Variants in USP12 observed in about 807,000 individuals in gnomAD.
The protein encoded by USP12 is ubiquitin carboxyl-terminal hydrolase 12.
Under a neutral mutation model 45.5 loss-of-function variants are expected in USP12, and 19 were observed. The ratio of observed to expected loss-of-function variants is 0.42; its 90% CI spans 0.29 to 0.61. USP12 has a LOEUF of 0.61. USP12 is among the 20% of genes least tolerant of loss of function. USP12 has a pLI of 0.22. For missense variants in USP12, 242 were observed against 447.7 expected (o/e 0.54, Z 4.15); for synonymous variants, 149 against 148.8 (o/e 1.00, Z -0.01).
At chr13:27,092,381 A>G (rs1874359213) in intron 4 of USP12, among the ~76,000 whole-genome samples, 1 of 152,218 alleles carries the variant, frequency 6.6e-6, no homozygotes, top group Admixed American at 6.5e-5. Context: ...TAAAGTTTAC[A>G]TGGAGAGGCA....
At position 27,095,590 on chromosome 13, in the gene USP12, G is replaced by GAT. The variant is rs746205485; in HGVS notation, c.573+9_573+10dup. The GAT allele has an allele frequency of 6.4e-7, 1 of 1,563,982 alleles. No individual in the cohort carries two copies. Among genetic ancestry groups the GAT allele is most frequent in the Admixed American group, 1.9e-5 (1 of 53,738 alleles). On this transcript the variant is annotated intron_variant, in intron 4 of 8. Transcript: ENST00000282344. The stretch of plus-strand genomic sequence containing the variant: ...AATTTTTCTCTATACAAAATTGTAT[G>GAT]ATATACTTACAGTTTCACAAGTAAG...
intron 1 of USP12, among the ~76,000 whole-genome samples, chr13:27,138,286 GAAGA>G (rs1435159644): frequency 6.6e-6 from 1 of 152,186 alleles, no homozygotes; most frequent in Non-Finnish European, 1.5e-5. Flanking sequence ...CTGAGAGGCC[GAAGA>G]AAGAGGCTAA....
chr13:27,148,866 G>T (rs1462239121), intron 1 of USP12, among the ~76,000 whole-genome samples: 1 of 145,304 alleles, frequency 6.9e-6, no homozygotes, highest in Non-Finnish European at 1.5e-5. Context: ...ACATAGAAAA[G>T]AATTCCTCTC....
At chr13:27,108,970 GTA>G (rs1018148181) in intron 2 of USP12, among the ~76,000 whole-genome samples, 1 of 152,128 alleles carries the variant, frequency 6.6e-6, no homozygotes, top group African/African-American at 2.4e-5. Flanking sequence ...GTGTGTGTGT[GTA>G]TATACACATA....
chr13:27,132,732 T>C (rs984615794), intron 1 of USP12, among the ~76,000 whole-genome samples: 2 of 152,208 alleles, frequency 1.3e-5, no homozygotes, highest in African/African-American at 4.8e-5. Context: ...AATAGGAATG[T>C]CCTTGTCCTG....
intron 7 of USP12, among the ~76,000 whole-genome samples, chr13:27,074,474 T>A (rs933129498): frequency 6.6e-6 from 1 of 152,190 alleles, no homozygotes; most frequent in Admixed American, 6.5e-5. Flanking sequence ...ACTTTTTTTA[T>A]TTGGATAAAA....
intron 1 of USP12, among the ~76,000 whole-genome samples, chr13:27,146,454 G>A (rs1403343295): frequency 1.3e-5 from 2 of 152,172 alleles, no homozygotes; most frequent in East Asian, 3.8e-4. Flanking sequence ...GGGGTATAAG[G>A]TAGGGAGAGG....
intron 1 of USP12, chr13:27,117,840 G>T: frequency 1.9e-6 from 1 of 517,920 alleles, no homozygotes; most frequent in South Asian, 1.4e-5. Flanking sequence ...GGTCCCCGAC[G>T]ACCATGTGAA....
chr13:27,106,795 T>C (rs190232152), intron 2 of USP12, among the ~76,000 whole-genome samples: 178 of 152,128 alleles, frequency 1.2e-3, no homozygotes, highest in African/African-American at 4.0e-3. Flanking sequence ...TGGATAAAAA[T>C]GAGACTTCTC....
chr13:27,080,252 T>C (rs571832249), intron 6 of USP12, among the ~76,000 whole-genome samples: 1 of 152,290 alleles, frequency 6.6e-6, no homozygotes, highest in East Asian at 1.9e-4. Flanking sequence ...CAACAGGTGG[T>C]TGCAGATGCT....
At position 27,105,852 on chromosome 13, in the gene USP12, A is replaced by C; in HGVS notation, c.222T>G (p.Pro74=). ...REKVLAYKSQ[P]RKKESLLTCL... ...ATGTAAGAAGGCTCTCCTTTTTCCT[A>C]GGTTGACTCTTATACGCAAGAACTT... Residue 74 remains proline, a synonymous_variant, in exon 3 of 9, where the codon CCT becomes CCG. Transcript: ENST00000282344. The C allele has an allele frequency of 1.2e-6, 2 of 1,613,852 alleles. No individual in the cohort carries two copies. Among genetic ancestry groups the C allele is most frequent in the Non-Finnish European group, 1.7e-6 (2 of 1,179,814 alleles).
At chr13:27,134,269 A>C (rs991644674) in intron 1 of USP12, among the ~76,000 whole-genome samples, 1 of 152,248 alleles carries the variant, frequency 6.6e-6, no homozygotes, top group Admixed American at 6.5e-5. Context: ...GGAGAAAGGT[A>C]GCATAAAAGA....
Position 27,068,238 on chromosome 13 carries a change from A to G in USP12, c.*1045T>C, listed in dbSNP as rs1421923536. 6.5e-6 allele frequency: 1 copy of G among 152,672 alleles called. No homozygotes were observed. The highest frequency in any genetic ancestry group is 1.5e-5 in the Non-Finnish European group (1 of 68,044). 9.5% of individuals were successfully genotyped at this position (152,672 alleles called of 1,614,324 possible). On this transcript the variant is annotated 3_prime_UTR_variant, in exon 9 of 9. Coordinates refer to ENST00000282344, the MANE Select transcript of USP12 (RefSeq NM_182488.4). ...AAACATTAGAATACTTAAGAATTCTAAAGATTGGTATACCACCACTGCACC... is the reference window on the plus strand; with the variant it reads ...AAACATTAGAATACTTAAGAATTCTGAAGATTGGTATACCACCACTGCACC...
At chr13:27,108,941 C>CA (rs1198333069) in intron 2 of USP12, among the ~76,000 whole-genome samples, 5 of 151,782 alleles carry the variant, frequency 3.3e-5, no homozygotes, top group Non-Finnish European at 7.4e-5. Flanking sequence ...ACTTTCTCCA[C>CA]AAAAAAAGAT....
Position 27,116,602 on chromosome 13 carries a change from A to C in USP12, c.49-6T>G, listed in dbSNP as rs1875754346. The C allele has an allele frequency of 6.2e-7, 1 of 1,609,870 alleles. No individual in the cohort carries two copies. The highest frequency in any genetic ancestry group is 1.3e-5 in the African/African-American group (1 of 74,822). ...AATGCCGAAGCATTGGCGCCCTATA[A>C]AATGAAAAACAAAAATCTTAGTATT... On this transcript the variant is annotated splice_region_variant and splice_polypyrimidine_tract_variant and intron_variant, in intron 1 of 8. Coordinates refer to ENST00000282344, the MANE Select transcript of USP12 (RefSeq NM_182488.4).
At chr13:27,072,415 C>A (rs1301442835) in intron 7 of USP12, among the ~76,000 whole-genome samples, 1 of 152,020 alleles carries the variant, frequency 6.6e-6, no homozygotes, top group Non-Finnish European at 1.5e-5. Context: ...ATTTCATAAA[C>A]TAAAAATGAA....
intron 1 of USP12, among the ~76,000 whole-genome samples, chr13:27,122,748 C>T (rs1399175939): frequency 6.6e-6 from 1 of 152,040 alleles, no homozygotes; most frequent in East Asian, 1.9e-4. Context: ...TACTTTTTAG[C>T]CAATATTCCT....
At chr13:27,115,239 C>G (rs1271629692) in intron 2 of USP12, among the ~76,000 whole-genome samples, 1 of 152,004 alleles carries the variant, frequency 6.6e-6, no homozygotes, top group East Asian at 1.9e-4. Flanking sequence ...AGAATTCTAA[C>G]TGAAATGCTG....
intron 4 of USP12, among the ~76,000 whole-genome samples, chr13:27,090,676 C>T (rs1874269588): frequency 6.6e-6 from 1 of 152,070 alleles, no homozygotes; most frequent in African/African-American, 2.4e-5. Flanking sequence ...TTATCACTTG[C>T]TCATGTGAAC....
Sources: gnomAD v4.1 joint callset for allele counts (sites outside exome capture counted in the v4.1 genomes callset) on GRCh38, gnomAD v4.1.1 for gene constraint, MANE v1.5 for transcripts, NCBI Gene and HGNC (gene_info 2026-07-23, HGNC 2026-07-21) for gene names.